SULF1: variants seen among roughly 807,000 people sequenced by gnomAD.
SULF1 encodes extracellular sulfatase Sulf-1.
Under a neutral mutation model 110.5 loss-of-function variants are expected in SULF1, and 46 were observed. That is an observed-to-expected ratio of 0.42 (90% CI 0.33 to 0.53). SULF1 has a LOEUF of 0.53. SULF1 is among the 20% of genes least tolerant of loss of function. The probability of loss-of-function intolerance (pLI) is 0.12; values close to 1 mark genes in which losing one functional copy is unlikely to be tolerated. For missense variants in SULF1, 941 were observed against 1,094.2 expected, an observed-to-expected ratio of 0.86 and a Z score of 1.98; for synonymous variants, 371 against 387.1, an observed-to-expected ratio of 0.96 and a Z score of 0.49.
At chr8:69,489,892 G>A (rs75162619), upstream of SULF1, among the ~76,000 whole-genome samples, 2,177 of 152,066 alleles carry the variant, frequency 0.014, 43 homozygotes, top group African/African-American at 0.05. Context: ...ACAGGTCAGG[G>A]AAATGTAGAT....
At chr8:69,560,983 G>C (rs893196418) in intron 3 of SULF1, among the ~76,000 whole-genome samples, 1 of 152,124 alleles carries the variant, frequency 6.6e-6, no homozygotes, top group African/African-American at 2.4e-5. Context: ...GGTGGTGGTG[G>C]GAAGAAGCTG....
intron 3 of SULF1, among the ~76,000 whole-genome samples, chr8:69,552,076 A>G (rs1323339525): frequency 6.6e-6 from 1 of 152,188 alleles, no homozygotes; most frequent in Non-Finnish European, 1.5e-5. Context: ...CTGGGCAACA[A>G]GAGTGAAACT....
intron 5 of SULF1, among the ~76,000 whole-genome samples, chr8:69,567,580 A>G (rs942444184): frequency 6.6e-6 from 1 of 152,178 alleles, no homozygotes; most frequent in South Asian, 2.1e-4. Flanking sequence ...GGGTGAAATC[A>G]TACAGCATTT....
rs1269317351 is a variant in SULF1 at position 69,592,440 on chromosome 8, C to G, written c.734+3299C>G. Among the ~76,000 whole-genome samples the G allele has an allele frequency of 2.0e-5, 3 of 152,244 alleles. No individual in the cohort carries two copies. In the East Asian group the frequency reaches 5.8e-4, roughly 29 times the overall value. ...TAGTTCCTTTTTAGTTCAAATGAAC[C>G]TTCTATTGCCCTTATTAGTGATTCT... On this transcript the variant is annotated intron_variant, in intron 8 of 22. Transcript: ENST00000402687.
At chr8:69,625,095 G>A (rs1445360465) in intron 15 of SULF1, among the ~76,000 whole-genome samples, 1 of 152,126 alleles carries the variant, frequency 6.6e-6, no homozygotes, top group African/African-American at 2.4e-5. Flanking sequence ...GGGGCTGTTT[G>A]TTTACTTCAA....
At chr8:69,535,983 A>C (rs1359192234) in intron 3 of SULF1, among the ~76,000 whole-genome samples, 2 of 150,394 alleles carry the variant, frequency 1.3e-5, no homozygotes, top group Non-Finnish European at 3.0e-5. Flanking sequence ...GTACCATTGC[A>C]CTCCAGCCCC....
chr8:69,627,455 A>T (rs1352453614), intron 16 of SULF1, 149 bp downstream of exon 16: 17 of 643,896 alleles, frequency 2.6e-5, no homozygotes. Context: ...GTCTTTCTCC[A>T]GTGATTTAAT....
At chr8:69,618,266 C>T (rs566557140) in intron 13 of SULF1, among the ~76,000 whole-genome samples, 14 of 152,248 alleles carry the variant, frequency 9.2e-5, no homozygotes, top group Non-Finnish European at 1.8e-4. Flanking sequence ...CCTCTCTATC[C>T]GTGGGTTCTA....
chr8:69,516,815 T>C (rs1277791713), intron 3 of SULF1, among the ~76,000 whole-genome samples: 3 of 152,138 alleles, frequency 2.0e-5, no homozygotes, highest in African/African-American at 7.2e-5. Flanking sequence ...TAATATTACC[T>C]AGTAATATTA....
chr8:69,629,526 A>T lies in SULF1; in HGVS notation c.2131A>T (p.Ser711Cys). ...CAGGGAGGCTGCTCAGGAAGTAGATAGCAAACTGCAACTTTTCAAGGAGAA... is the reference window on the plus strand; with the variant it reads ...CAGGGAGGCTGCTCAGGAAGTAGATTGCAAACTGCAACTTTTCAAGGAGAA... ...PFKEAAQEVD[S>C]KLQLFKENNR... Residue 711 changes from serine (S) to cysteine (C), a missense_variant, in exon 19 of 23, where the codon AGC (serine) becomes TGC (cysteine). Physicochemically the swap from Ser to Cys is moderately radical, Grantham distance 112. This residue lies in a region of SULF1 where 822 missense variants were observed against 934.3 expected (regional missense o/e 0.88). Transcript: ENST00000402687. 1.9e-6 allele frequency: 3 copies of T among 1,613,464 alleles called. No individual in the cohort carries two copies. Among genetic ancestry groups the T allele is most frequent in the Non-Finnish European group, 2.5e-6 (3 of 1,179,732 alleles).
At chr8:69,627,432 A>AC (rs1472206812) in intron 16 of SULF1, 126 bp downstream of exon 16, 4 of 694,398 alleles carry the variant, frequency 5.8e-6, no homozygotes, top group Non-Finnish European at 9.8e-6. Flanking sequence ...AATACAAAAA[A>AC]AAAAAGTTAT....
chr8:69,637,841 T>C (rs1811174721), intron 19 of SULF1: 1 of 152,454 alleles, frequency 6.6e-6, no homozygotes, highest in African/African-American at 2.4e-5. Context: ...ATTTGGAACA[T>C]GTGCCCTTTT....
chr8:69,474,140 T>C (rs1809204588), intron 1 of SULF1, among the ~76,000 whole-genome samples: 2 of 152,192 alleles, frequency 1.3e-5, no homozygotes, highest in African/African-American at 4.8e-5. Context: ...GGTATGATGT[T>C]ACAGGCATAA....
Position 69,629,674 on chromosome 8 carries a change from G to A in SULF1, c.2279G>A (p.Trp760Ter), listed in dbSNP as rs1205619378. The A allele has an allele frequency of 1.2e-6, 2 of 1,603,740 alleles. No homozygotes were observed. The highest frequency in any genetic ancestry group is 1.7e-6 in the Non-Finnish European group (2 of 1,175,100). The change falls in exon 19 of 23, where the codon TGG becomes TAG. Residue 760 changes from tryptophan to a stop codon, truncating the protein, a stop_gained. Transcript: ENST00000402687. LOFTEE classifies it high-confidence loss of function. ...DNNHWQTAPF[W>*]NLGSFCACTS... ...AACCACTGGCAGACAGCCCCGTTCTGGAACCGTAAGTTGCTTGTTCCAAAT... is the reference window on the plus strand; with the variant it reads ...AACCACTGGCAGACAGCCCCGTTCTAGAACCGTAAGTTGCTTGTTCCAAAT...
chr8:69,555,196 T>C (rs1005260602), intron 3 of SULF1, among the ~76,000 whole-genome samples: 2 of 152,150 alleles, frequency 1.3e-5, no homozygotes, highest in South Asian at 4.1e-4. Context: ...TTTTGAAATG[T>C]GAATGCCTCC....
At chr8:69,553,403 G>A (rs1814868676) in intron 3 of SULF1, among the ~76,000 whole-genome samples, 1 of 152,168 alleles carries the variant, frequency 6.6e-6, no homozygotes, top group Non-Finnish European at 1.5e-5. Context: ...AGATCAGAGA[G>A]AACCAGCAAA....
intron 13 of SULF1, among the ~76,000 whole-genome samples, chr8:69,609,061 G>T (rs556369428): frequency 1.6e-4 from 25 of 152,062 alleles, no homozygotes; most frequent in Non-Finnish European, 3.1e-4. Context: ...CTGGGGCCGA[G>T]CACGGCAGCT....
intron 1 of SULF1, among the ~76,000 whole-genome samples, chr8:69,468,849 A>T (rs1758215997): frequency 6.6e-6 from 1 of 152,206 alleles, no homozygotes; most frequent in Non-Finnish European, 1.5e-5. Context: ...GCATGATGGC[A>T]TCTAACAGAG....
rs371890167 is a variant in SULF1, at chr8:69,623,559, A to G, written c.1595-383A>G. 6.6e-5 allele frequency among the ~76,000 whole-genome samples: 10 copies of G among 152,382 alleles called. No homozygotes were observed. The South Asian group carries it at 1.9e-3, about 28-fold the overall frequency. ...ATTATTATTAACACCATAATTGGGA[A>G]TATGGTTTTATCCAAAAAAATAGCC... On this transcript the variant is annotated intron_variant, in intron 14 of 22. Transcript: ENST00000402687.
Sources: gnomAD v4.1 joint callset for allele counts (sites outside exome capture counted in the v4.1 genomes callset) on GRCh38, gnomAD v4.1.1 for gene constraint, gnomAD v4.1.1 regional missense constraint, MANE v1.5 for transcripts, NCBI Gene and HGNC (gene_info 2026-07-23, HGNC 2026-07-21) for gene names.